The following SLX4IP variants were observed in gnomAD, a reference collection of about 807,000 sequenced individuals.
The protein encoded by SLX4IP is protein SLX4IP.
Under a neutral mutation model 32.9 loss-of-function variants are expected in SLX4IP, and 34 were observed. That is an observed-to-expected ratio of 1.03 (90% CI 0.79 to 1.38). The LOEUF is 1.38. Ranked by LOEUF, SLX4IP falls within the 40% of genes most tolerant of loss-of-function variation. SLX4IP has a pLI of 0.00. For missense variants in SLX4IP, 444 were observed against 479.0 expected (o/e 0.93, Z 0.68); for synonymous variants, 172 against 171.7 (o/e 1.00, Z -0.01).
chr20:10,547,451 C>T (rs1363421921), intron 2 of SLX4IP, among the ~76,000 whole-genome samples: 1 of 152,182 alleles, frequency 6.6e-6, no homozygotes, highest in East Asian at 1.9e-4. Context: ...TCACCTCAGA[C>T]AAGTCACACT....
chr20:10,551,980 A>G lies in SLX4IP; in HGVS notation c.28-4251A>G, dbSNP rs559341720. Among the ~76,000 whole-genome samples, 453 of 152,378 alleles carry G rather than the reference A, an allele frequency of 3.0e-3. 2 individuals are homozygous for G. Among genetic ancestry groups the G allele is most frequent in the Non-Finnish European group, 4.7e-3 (320 of 68,036 alleles). On this transcript the variant is annotated intron_variant, in intron 2 of 7. Transcript: ENST00000334534. ...TGTAATCTTCCAAGTGGGAGAAGAT[A>G]GGAGCAGCAGAGCAAGAGAGAAGTG...
intron 2 of SLX4IP, among the ~76,000 whole-genome samples, chr20:10,548,261 C>T (rs1328319518): frequency 5.9e-5 from 9 of 151,748 alleles, no homozygotes; most frequent in Middle Eastern, 3.4e-3. Flanking sequence ...TTTTCTGAAA[C>T]GGAGTCTCGC....
Position 10,512,775 on chromosome 20 carries a change from A to ACT in SLX4IP, c.28-43453_28-43452dup, listed in dbSNP as rs1295820990. Among the ~76,000 whole-genome samples, 39 of 24,886 alleles carry ACT rather than the reference A, an allele frequency of 1.6e-3. 1 individual carries two copies. The highest frequency in any genetic ancestry group is 3.7e-3 in the Admixed American group (7 of 1,876). The allele number at this position is 24,886 out of a possible 152,430, so 16.3% of individuals were successfully genotyped here. A position where few individuals can be genotyped will look rare whatever the true frequency, so the allele number is the denominator to read the frequency against. On this transcript the variant is annotated intron_variant, in intron 2 of 7. Coordinates refer to ENST00000334534, the MANE Select transcript of SLX4IP (RefSeq NM_001009608.3). The stretch of plus-strand genomic sequence containing the variant: ...TTTATGTATATATATACACACACAC[A>ACT]CTCTATATATATATATATATATATA...
intron 4 of SLX4IP, among the ~76,000 whole-genome samples, chr20:10,576,026 G>A (rs1361998567): frequency 1.3e-5 from 2 of 151,972 alleles, no homozygotes; most frequent in Admixed American, 1.3e-4. Flanking sequence ...GGAATTTGGG[G>A]GATTCTAACC....
At chr20:10,529,617 ATTCTGATTACTCACATTC>A (rs1383735940) in intron 2 of SLX4IP, among the ~76,000 whole-genome samples, 1 of 142,922 alleles carries the variant, frequency 7.0e-6, no homozygotes, top group Non-Finnish European at 1.5e-5. Flanking sequence ...AAAAAAAATG[ATTCTGATTACTCACATTC>A]TTCTTCTTCT....
At chr20:10,499,995 T>C (rs2065701902) in intron 2 of SLX4IP, among the ~76,000 whole-genome samples, 1 of 152,164 alleles carries the variant, frequency 6.6e-6, no homozygotes, top group African/African-American at 2.4e-5. Flanking sequence ...AGATGACTTA[T>C]TTAAGAAACA....
intron 4 of SLX4IP, among the ~76,000 whole-genome samples, chr20:10,589,992 T>G (rs2122536058): frequency 6.6e-6 from 1 of 152,252 alleles, no homozygotes; most frequent in Non-Finnish European, 1.5e-5. Flanking sequence ...AATTTAGCAT[T>G]ATTTTTCGCA....
chr20:10,621,283 C>T, intron 6 of SLX4IP, 31 bp from the exon 7 acceptor site: 1 of 1,589,594 alleles, frequency 6.3e-7, no homozygotes, highest in Middle Eastern at 1.7e-4. Flanking sequence ...TAATAGATTT[C>T]TGGTTGAACC....
intron 3 of SLX4IP, among the ~76,000 whole-genome samples, chr20:10,558,393 T>C (rs1004629387): frequency 1.6e-4 from 24 of 146,770 alleles, no homozygotes; most frequent in South Asian, 4.5e-4. Flanking sequence ...TCCTCTGGGA[T>C]CATTTGTGTG....
chr20:10,518,467 CCTTTCTT>C lies in SLX4IP; in HGVS notation c.28-37763_28-37757del, dbSNP rs1568720179. Among the ~76,000 whole-genome samples the C allele has an allele frequency of 1.0e-3, 47 of 44,876 alleles. 1 individual carries two copies. Among genetic ancestry groups the C allele is most frequent in the South Asian group, 2.4e-3 (2 of 830 alleles). 29.4% of individuals were successfully genotyped at this position (44,876 alleles called of 152,430 possible). A position where few individuals can be genotyped will look rare whatever the true frequency, so the allele number is the denominator to read the frequency against. On this transcript the variant is annotated intron_variant, in intron 2 of 7. Transcript: ENST00000334534. Reference sequence around the variant, plus strand: ...CCTTCCTTCCTTCCTTCCTTCCTTTCCTTTCTTTTCCTTTCCTTTCCTTTTCCTTCCT... The same window carrying C: ...CCTTCCTTCCTTCCTTCCTTCCTTTCTTCCTTTCCTTTCCTTTTCCTTCCT...
At chr20:10,516,289 T>C (rs142989748) in intron 2 of SLX4IP, among the ~76,000 whole-genome samples, 2 of 152,330 alleles carry the variant, frequency 1.3e-5, no homozygotes, top group East Asian at 3.9e-4. Flanking sequence ...CTAGCAAGTT[T>C]TTATTCTTTG....
chr20:10,613,854 C>T, intron 6 of SLX4IP: 2 of 1,597,578 alleles, frequency 1.3e-6, no homozygotes, highest in Non-Finnish European at 1.7e-6. Context: ...TTCTTCCAAA[C>T]CTTTGTATGT....
intron 6 of SLX4IP, among the ~76,000 whole-genome samples, chr20:10,607,691 C>G (rs533413462): frequency 1.3e-5 from 2 of 152,178 alleles, no homozygotes; most frequent in Admixed American, 1.3e-4. Context: ...AGAGAGATGA[C>G]CCTCTGAAAA....
chr20:10,563,779 A>T (rs2066357799), intron 4 of SLX4IP, among the ~76,000 whole-genome samples: 1 of 152,194 alleles, frequency 6.6e-6, no homozygotes, highest in Non-Finnish European at 1.5e-5. Flanking sequence ...CTGTTTTTAT[A>T]ACCATACCAT....
intron 6 of SLX4IP, among the ~76,000 whole-genome samples, chr20:10,618,819 C>T (rs910842259): frequency 6.6e-6 from 1 of 152,070 alleles, no homozygotes; most frequent in South Asian, 2.1e-4. Flanking sequence ...GGATAAGCCT[C>T]AGATTGCATT....
chr20:10,483,383 A>G (rs2065542434), intron 2 of SLX4IP, among the ~76,000 whole-genome samples: 1 of 152,066 alleles, frequency 6.6e-6, no homozygotes, highest in Admixed American at 6.5e-5. Context: ...AGGCCTCCCA[A>G]AGTGCTGGGA....
chr20:10,445,311 C>CTTTT (rs36058168), intron 1 of SLX4IP, among the ~76,000 whole-genome samples: 119 of 90,110 alleles, frequency 1.3e-3, no homozygotes, highest in Middle Eastern at 6.8e-3. Flanking sequence ...TTTTTTCTTT[C>CTTTT]TTTTTTTTTT....
At chr20:10,471,705 A>G (rs1333999746) in intron 2 of SLX4IP, among the ~76,000 whole-genome samples, 1 of 152,160 alleles carries the variant, frequency 6.6e-6, no homozygotes, top group Non-Finnish European at 1.5e-5. Flanking sequence ...CACTATTCTC[A>G]TATTTCAATG....
chr20:10,550,046 G>C lies in SLX4IP; in HGVS notation c.28-6185G>C, dbSNP rs115893598. ...GAAACTCTTTCTAGCTGTAGTATCA[G>C]AAATGATTCAGTTATCCTCAGCATG... On this transcript the variant is annotated intron_variant, in intron 2 of 7. Transcript: ENST00000334534. Among the ~76,000 whole-genome samples, 1,424 of 152,250 alleles carry C rather than the reference G, an allele frequency of 9.4e-3. 26 individuals are homozygous for C. The highest frequency in any genetic ancestry group is 0.032 in the African/African-American group (1,346 of 41,524).
Sources: allele counts gnomAD v4.1 joint callset (sites outside exome capture counted in the v4.1 genomes callset), GRCh38; gene constraint gnomAD v4.1.1; transcripts MANE v1.5; gene names NCBI Gene and HGNC (gene_info 2026-07-23, HGNC 2026-07-21).